RBFOX2: variants seen among roughly 807,000 people sequenced by gnomAD.
The protein encoded by RBFOX2 is RNA binding protein fox-1 homolog 2.
RBFOX2 carries 10 observed loss-of-function variants against 49.1 expected under a neutral mutation model. The ratio of observed to expected loss-of-function variants is 0.20; its 90% confidence interval spans 0.13 to 0.35. RBFOX2 has a LOEUF of 0.35. Among genes scored for constraint, RBFOX2 ranks in the 10% least tolerant of loss-of-function variants. The probability of loss-of-function intolerance (pLI) is 1.00; values close to 1 mark genes in which losing one functional copy is unlikely to be tolerated. For synonymous variants in RBFOX2, 183 were observed against 187.4 expected (o/e 0.98, Z 0.19); for missense variants, 323 against 486.9 (o/e 0.66, Z 3.17).
At chr22:35,943,460 A>C (rs2053918373), upstream of RBFOX2, among the ~76,000 whole-genome samples, 1 of 152,232 alleles carries the variant, frequency 6.6e-6, no homozygotes, top group Middle Eastern at 3.2e-3. Flanking sequence ...ACTGCTCAAA[A>C]ATAAAAAGAA....
chr22:35,975,363 A>C (rs557190107), intron 1 of RBFOX2, among the ~76,000 whole-genome samples: 1 of 152,308 alleles, frequency 6.6e-6, no homozygotes, highest in African/African-American at 2.4e-5. Flanking sequence ...TAGTCATATG[A>C]CCTTAAGCAT....
chr22:35,907,740 C>T (rs528905277), intron 1 of RBFOX2, among the ~76,000 whole-genome samples: 3 of 152,178 alleles, frequency 2.0e-5, no homozygotes, highest in African/African-American at 7.2e-5. Context: ...CTTCACCTCC[C>T]GGATTCAAGA....
rs533785986 is a variant in RBFOX2, at chr22:35,814,897, C to A, written c.28-4893G>T. On this transcript the variant is annotated intron_variant, in intron 1 of 11. Coordinates refer to ENST00000405409, the Ensembl canonical transcript of RBFOX2. ...GGAGACCCTGTCTCCTAAAAAGAAACAATGTCTGTACATGTTTAGTACAGA... is the reference window on the plus strand; with the variant it reads ...GGAGACCCTGTCTCCTAAAAAGAAAAAATGTCTGTACATGTTTAGTACAGA... 1.2e-4 allele frequency among the ~76,000 whole-genome samples: 18 copies of A among 152,076 alleles called. No homozygotes were observed. In the South Asian group the frequency reaches 2.5e-3, roughly 21 times the overall value.
At position 35,768,429 on chromosome 22, in the gene RBFOX2, T is replaced by C. The variant is rs539824063; in HGVS notation, c.454-80A>G. ...GATCTCTTGGTAAATAGAGAAAAAATATCATAGTATGAAACTGACATCAGC... is the reference window on the plus strand; with the variant it reads ...GATCTCTTGGTAAATAGAGAAAAAACATCATAGTATGAAACTGACATCAGC... On this transcript the variant is annotated intron_variant, in intron 4 of 11. Transcript: ENST00000405409. The C allele has an allele frequency of 3.0e-5, 38 of 1,262,682 alleles. 1 individual carries two copies. The South Asian group carries it at 4.5e-4, about 15-fold the overall frequency. 78.2% of individuals were successfully genotyped at this position (1,262,682 alleles called of 1,614,324 possible). A position where few individuals can be genotyped will look rare whatever the true frequency, so the allele number is the denominator to read the frequency against.
chr22:35,949,426 G>GT (rs2054667107), intron 1 of RBFOX2, among the ~76,000 whole-genome samples: 1 of 152,158 alleles, frequency 6.6e-6, no homozygotes, highest in Admixed American at 6.5e-5. Context: ...TGGATCACTG[G>GT]TAATTCTTTG....
intron 1 of RBFOX2, among the ~76,000 whole-genome samples, chr22:36,001,967 G>A (rs1423636703): frequency 6.6e-6 from 1 of 152,030 alleles, no homozygotes; most frequent in African/African-American, 2.4e-5. Flanking sequence ...GGGAGGCTGA[G>A]GCAGGAGAAT....
chr22:36,028,456 G>T, exon 1 of RBFOX2: 2 of 1,171,820 alleles, frequency 1.7e-6, no homozygotes. Flanking sequence ...TCCGGGAGCC[G>T]GGCGACCCGC....
intron 1 of RBFOX2, among the ~76,000 whole-genome samples, chr22:35,875,091 C>T (rs1280939739): frequency 6.6e-6 from 1 of 152,174 alleles, no homozygotes; most frequent in Non-Finnish European, 1.5e-5. Flanking sequence ...CAAGAGGAGG[C>T]TTCAGAATGA....
chr22:35,846,330 T>TTGTGTGTGTGTG (rs35272106), intron 1 of RBFOX2, among the ~76,000 whole-genome samples: 24 of 140,438 alleles, frequency 1.7e-4, no homozygotes, highest in Non-Finnish European at 3.4e-4. Flanking sequence ...ATTTATATAG[T>TTGTGTGTGTGTG]TGTGTGTGTG....
At chr22:35,799,766 A>C (rs1402769336) in intron 2 of RBFOX2, among the ~76,000 whole-genome samples, 1 of 152,072 alleles carries the variant, frequency 6.6e-6, no homozygotes, top group East Asian at 1.9e-4. Flanking sequence ...AGAGCAAGAC[A>C]CAGGGAGACC....
intron 1 of RBFOX2, among the ~76,000 whole-genome samples, chr22:35,954,001 T>C (rs1788297162): frequency 6.6e-6 from 1 of 152,164 alleles, no homozygotes; most frequent in South Asian, 2.1e-4. Context: ...GCCCTTCCTT[T>C]CAATGGAAAA....
At chr22:35,876,550 G>A (rs915416831) in intron 1 of RBFOX2, among the ~76,000 whole-genome samples, 5 of 151,938 alleles carry the variant, frequency 3.3e-5, no homozygotes, top group Admixed American at 1.3e-4. Flanking sequence ...TCCTTTAAAC[G>A]GATGCCTAAA....
chr22:35,943,087 C>T (rs2053879690), upstream of RBFOX2, among the ~76,000 whole-genome samples: 1 of 152,190 alleles, frequency 6.6e-6, no homozygotes, highest in South Asian at 2.1e-4. Flanking sequence ...AGACTTAGGT[C>T]TTGATTCTAT....
intron 5 of RBFOX2, among the ~76,000 whole-genome samples, chr22:35,765,898 A>T (rs1205637044): frequency 1.3e-5 from 2 of 152,158 alleles, no homozygotes; most frequent in African/African-American, 4.8e-5. Flanking sequence ...TGATAAAATA[A>T]ATCTGATTTC....
intron 1 of RBFOX2, among the ~76,000 whole-genome samples, chr22:35,850,193 T>TACACACACACACACACACACACACAC (rs58692076): frequency 7.5e-6 from 1 of 132,520 alleles, no homozygotes; most frequent in African/African-American, 2.9e-5. Flanking sequence ...CTCTCTCTCA[T>TACACACACACACACACACACACACAC]ACACACACAC....
In RBFOX2 at chr22:35,759,842, A is replaced by G. The variant is rs775613314; in HGVS notation, c.887+46T>C. Reference sequence around the variant, plus strand: ...GGGCCATGGTATTCTTTTTTGGTCCAACTGCTTATTTTAGAAACATACTGA... The same window carrying G: ...GGGCCATGGTATTCTTTTTTGGTCCGACTGCTTATTTTAGAAACATACTGA... On this transcript the variant is annotated intron_variant, in intron 9 of 11. Transcript: ENST00000405409. The surrounding 1 kb of genome is among the most constrained non-coding windows in gnomAD (Gnocchi z 4.6). The G allele has an allele frequency of 6.2e-7, 1 of 1,605,362 alleles. No homozygotes were observed. Among genetic ancestry groups the G allele is most frequent in the Non-Finnish European group, 8.5e-7 (1 of 1,173,860 alleles).
intron 1 of RBFOX2, among the ~76,000 whole-genome samples, chr22:35,944,084 G>C (rs2054001923): frequency 6.6e-6 from 1 of 152,234 alleles, no homozygotes; most frequent in Admixed American, 6.5e-5. Context: ...TTCAGTAAGA[G>C]TGGATTGAAC....
intron 1 of RBFOX2, among the ~76,000 whole-genome samples, chr22:36,026,744 G>A (rs1443324384): frequency 6.6e-6 from 1 of 152,064 alleles, no homozygotes; most frequent in Non-Finnish European, 1.5e-5. Context: ...ATAAAAGCAG[G>A]CAAACAAAAC....
chr22:35,994,390 T>C (rs1267113262), intron 1 of RBFOX2: 2 of 147,646 alleles, frequency 1.4e-5, no homozygotes, highest in Non-Finnish European at 3.0e-5. Flanking sequence ...ATTCATTTTA[T>C]TTATTTATTT....
Sources: gnomAD v4.1 joint callset for allele counts (sites outside exome capture counted in the v4.1 genomes callset) on GRCh38, gnomAD v4.1.1 for gene constraint, Gnocchi (gnomAD v3.1) non-coding constraint, MANE v1.5 for transcripts, NCBI Gene and HGNC (gene_info 2026-07-23, HGNC 2026-07-21) for gene names.